The following DPYSL3 variants were observed in gnomAD, a reference collection of about 807,000 sequenced individuals.
DPYSL3 encodes the protein dihydropyrimidinase like 3, also known as dihydropyrimidinase-related protein 3.
A neutral mutation model predicts 66.1 loss-of-function variants in DPYSL3; 16 were observed. The observed-to-expected ratio is 0.24, with a 90% CI of 0.16 to 0.37. The LOEUF is 0.37. DPYSL3 is among the 10% of genes least tolerant of loss of function. DPYSL3 has a pLI of 1.00. For synonymous variants in DPYSL3, 338 were observed against 345.1 expected (o/e 0.98, Z 0.23); for missense variants, 738 against 916.2 (o/e 0.81, Z 2.51).
chr5:147,405,499 G>T, intron 8 of DPYSL3, 111 bp downstream of exon 8: 1 of 1,413,570 alleles, frequency 7.1e-7, no homozygotes, highest in Admixed American at 2.5e-5. Flanking sequence ...GCTTCCTAGG[G>T]AGCAAGGCAA....
intron 13 of DPYSL3, 97 bp from the exon 14 acceptor site, chr5:147,394,220 A>G (rs1561768598): frequency 8.0e-7 from 1 of 1,242,562 alleles, no homozygotes; most frequent in East Asian, 2.4e-5. Context: ...TTAAGAGTGC[A>G]AGATATGAAG....
At chr5:147,481,599 G>A (rs948466290) in intron 1 of DPYSL3, among the ~76,000 whole-genome samples, 2 of 152,210 alleles carry the variant, frequency 1.3e-5, no homozygotes, top group African/African-American at 2.4e-5. Context: ...TATTGCAAAC[G>A]TAATCCCTAA....
At chr5:147,448,042 T>C (rs1376984127) in intron 1 of DPYSL3, among the ~76,000 whole-genome samples, 1 of 152,138 alleles carries the variant, frequency 6.6e-6, no homozygotes, top group African/African-American at 2.4e-5. Flanking sequence ...CTATAAAATA[T>C]GTCAATAGGT....
intron 4 of DPYSL3, 152 bp downstream of exon 4, chr5:147,415,557 T>G: frequency 1.1e-6 from 1 of 912,102 alleles, no homozygotes; most frequent in Non-Finnish European, 1.7e-6. Flanking sequence ...GTAAATAAAG[T>G]GCCTGGAACA....
intron 1 of DPYSL3, among the ~76,000 whole-genome samples, chr5:147,475,629 A>G (rs1753145404): frequency 6.6e-6 from 1 of 152,174 alleles, no homozygotes; most frequent in South Asian, 2.1e-4. Context: ...ATGAAAGCAG[A>G]GCCTCAAAGT....
intron 1 of DPYSL3, among the ~76,000 whole-genome samples, chr5:147,492,248 C>T (rs1038297648): frequency 1.3e-5 from 2 of 151,950 alleles, no homozygotes; most frequent in Non-Finnish European, 2.9e-5. Flanking sequence ...GAATTTGTTT[C>T]CAGTAGAGTG....
intron 13 of DPYSL3, 22 bp from the exon 14 acceptor site, chr5:147,394,145 C>G: frequency 6.2e-7 from 1 of 1,609,030 alleles, no homozygotes; most frequent in East Asian, 2.2e-5. Context: ...AATAAATTCC[C>G]AGGGGGAAAA....
chr5:147,502,875 C>T (rs563540405), intron 1 of DPYSL3, among the ~76,000 whole-genome samples: 3 of 152,244 alleles, frequency 2.0e-5, no homozygotes, highest in South Asian at 2.1e-4. Flanking sequence ...TGTGCCCGGC[C>T]TTAATAATGC....
chr5:147,508,504 T>C (rs1391139719), intron 1 of DPYSL3, among the ~76,000 whole-genome samples: 1 of 152,180 alleles, frequency 6.6e-6, no homozygotes, highest in African/African-American at 2.4e-5. Context: ...ATTATTATTA[T>C]TCCCCAACTG....
Position 147,439,085 on chromosome 5 carries a change from A to G in DPYSL3, c.382-14122T>C, listed in dbSNP as rs564324395. Among the ~76,000 whole-genome samples the G allele has an allele frequency of 2.0e-5, 3 of 152,340 alleles. No individual in the cohort carries two copies. In the East Asian group the frequency reaches 5.8e-4, roughly 29 times the overall value. ...AACCCAGGGAAAGAAACATTAGTCTAAATTAATTCATTCATTCCTTCATCT... is the reference window on the plus strand; with the variant it reads ...AACCCAGGGAAAGAAACATTAGTCTGAATTAATTCATTCATTCCTTCATCT... On this transcript the variant is annotated intron_variant, in intron 1 of 13. Transcript: ENST00000343218.
At chr5:147,502,299 C>T (rs1037978293) in intron 1 of DPYSL3, among the ~76,000 whole-genome samples, 1 of 151,912 alleles carries the variant, frequency 6.6e-6, no homozygotes, top group Admixed American at 6.6e-5. Context: ...CTTCAGACCA[C>T]GCTAAATGAT....
chr5:147,477,186 A>G (rs1173619348), intron 1 of DPYSL3, among the ~76,000 whole-genome samples: 3 of 152,260 alleles, frequency 2.0e-5, no homozygotes, highest in Non-Finnish European at 4.4e-5. Context: ...TGCAGATTTA[A>G]AATAGGGCAC....
intron 1 of DPYSL3, among the ~76,000 whole-genome samples, chr5:147,429,824 T>C (rs1752274965): frequency 6.6e-6 from 1 of 152,170 alleles, no homozygotes; most frequent in Admixed American, 6.5e-5. Flanking sequence ...CGTTCCAGTG[T>C]CCAAACTGCG....
chr5:147,465,683 G>A (rs190243490), intron 1 of DPYSL3, among the ~76,000 whole-genome samples: 3 of 152,236 alleles, frequency 2.0e-5, no homozygotes, highest in East Asian at 3.9e-4. Context: ...AAGCCCCGCC[G>A]ACCCAGGGCA....
intron 1 of DPYSL3, among the ~76,000 whole-genome samples, chr5:147,443,287 A>G (rs1222132441): frequency 1.3e-5 from 2 of 152,242 alleles, no homozygotes; most frequent in African/African-American, 4.8e-5. Flanking sequence ...ACACCATGGA[A>G]TACTATGCAG....
At chr5:147,430,592 C>A (rs536839477) in intron 1 of DPYSL3, among the ~76,000 whole-genome samples, 4 of 149,598 alleles carry the variant, frequency 2.7e-5, no homozygotes, top group South Asian at 2.1e-4. Flanking sequence ...GAGGAAAGGG[C>A]GGGGAGAGAG....
chr5:147,485,546 CAT>C (rs1753316392), intron 1 of DPYSL3, among the ~76,000 whole-genome samples: 1 of 152,212 alleles, frequency 6.6e-6, no homozygotes, highest in Non-Finnish European at 1.5e-5. Context: ...TATTAAAATG[CAT>C]AGAGTGACTT....
chr5:147,470,773 T>C (rs551672286), intron 1 of DPYSL3, among the ~76,000 whole-genome samples: 1 of 152,296 alleles, frequency 6.6e-6, no homozygotes, highest in African/African-American at 2.4e-5. Context: ...GAAATGACTG[T>C]AACCCTTTTT....
chr5:147,425,017 G>C (rs1413236081), intron 1 of DPYSL3, 54 bp from the exon 2 acceptor site: 2 of 1,424,898 alleles, frequency 1.4e-6, no homozygotes, highest in Admixed American at 1.8e-5. Flanking sequence ...TCAGAGAAGA[G>C]TGATCTGCCA....
Sources: gnomAD v4.1 joint callset for allele counts (sites outside exome capture counted in the v4.1 genomes callset) on GRCh38, gnomAD v4.1.1 for gene constraint, MANE v1.5 for transcripts, NCBI Gene and HGNC (gene_info 2026-07-23, HGNC 2026-07-21) for gene names.